The following HMGCLL1 variants were observed in gnomAD, a reference collection of about 807,000 sequenced individuals.
HMGCLL1 encodes 3-hydroxy-3-methylglutaryl-CoA lyase like 1, also known as 3-hydroxymethyl-3-methylglutaryl-CoA lyase, cytoplasmic.
HMGCLL1 carries 36 observed loss-of-function variants against 39.1 expected under a neutral mutation model. That is an observed-to-expected ratio of 0.92 (90% CI 0.71 to 1.22). The LOEUF (loss-of-function observed/expected upper bound fraction) is 1.22, where lower values mean the gene tolerates loss of function less well. Ranked by LOEUF, HMGCLL1 falls within the 50% of genes most tolerant of loss-of-function variation. The pLI, the probability that HMGCLL1 is intolerant of heterozygous loss-of-function variation, is 0.00. For missense variants in HMGCLL1, 451 were observed against 416.5 expected, an observed-to-expected ratio of 1.08 and a Z score of -0.72; for synonymous variants, 149 against 144.0, an observed-to-expected ratio of 1.03 and a Z score of -0.25.
At position 55,514,119 on chromosome 6, in the gene HMGCLL1, G is replaced by C. The variant is rs1330364225; in HGVS notation, c.471C>G (p.Ser157=). The part of the protein sequence containing the change: ...ESFSKKNINC[S]IEESMGKFEE... ...CAAATTTTCCCATACTTTCTTCAAT[G>C]GAACAGTTAATATTCTTCTTGCTAA... The change falls in exon 5 of 9, where the codon TCC becomes TCG. Residue 157 remains serine (S), a synonymous_variant. Transcript: ENST00000274901. 1 of 1,612,422 alleles carries C rather than the reference G, an allele frequency of 6.2e-7. No individual in the cohort carries two copies. Among genetic ancestry groups the C allele is most frequent in the Non-Finnish European group, 8.5e-7 (1 of 1,179,002 alleles).
At chr6:55,675,647 C>T in the HMGCLL1 span, among the ~76,000 whole-genome samples, 1 of 152,076 alleles carries the variant, frequency 6.6e-6, no homozygotes, top group African/African-American at 2.4e-5. Context: ...AGTCTGGAAA[C>T]ACTTATGGTG....
chr6:55,508,393 A>G (rs1242829426), intron 5 of HMGCLL1, among the ~76,000 whole-genome samples: 2 of 151,844 alleles, frequency 1.3e-5, no homozygotes, highest in Non-Finnish European at 2.9e-5. Context: ...GCCTAAGATT[A>G]TGTTTTCTGC....
At chr6:55,650,120 TATATATATATATATACACAC>T in the HMGCLL1 span, among the ~76,000 whole-genome samples, 87 of 79,906 alleles carry the variant, frequency 1.1e-3, 1 homozygote, top group African/African-American at 1.7e-3. Flanking sequence ...TATATATATA[TATATATATATATATACACAC>T]ACACACACAT....
At chr6:55,595,748 C>T in the HMGCLL1 span, among the ~76,000 whole-genome samples, 1 of 151,934 alleles carries the variant, frequency 6.6e-6, no homozygotes, top group Non-Finnish European at 1.5e-5. Flanking sequence ...ATGAATCTGG[C>T]CAAACTGGGG....
At chr6:55,557,804 A>C (rs1038009898) in intron 1 of HMGCLL1, among the ~76,000 whole-genome samples, 1 of 152,174 alleles carries the variant, frequency 6.6e-6, no homozygotes, top group Non-Finnish European at 1.5e-5. Context: ...AGGGGTTAGC[A>C]ATAAATTACG....
chr6:55,535,504 T>A (rs1357191241), intron 3 of HMGCLL1, among the ~76,000 whole-genome samples: 1 of 152,174 alleles, frequency 6.6e-6, no homozygotes, highest in Non-Finnish European at 1.5e-5. Flanking sequence ...ATGGTTTTGA[T>A]CTCCATGCCG....
chr6:55,529,454 A>G (rs1768512313), intron 3 of HMGCLL1, among the ~76,000 whole-genome samples: 1 of 151,962 alleles, frequency 6.6e-6, no homozygotes, highest in African/African-American at 2.4e-5. Flanking sequence ...AGACTAACTC[A>G]CTGGTAATAA....
the HMGCLL1 span, among the ~76,000 whole-genome samples, chr6:55,597,323 A>G: frequency 3.3e-5 from 5 of 152,092 alleles, no homozygotes; most frequent in Non-Finnish European, 4.4e-5. Flanking sequence ...TTCTCTTTTC[A>G]TCATAAGAGT....
At chr6:55,573,019 A>G (rs2127477476) in intron 1 of HMGCLL1, among the ~76,000 whole-genome samples, 1 of 152,330 alleles carries the variant, frequency 6.6e-6, no homozygotes, top group Non-Finnish European at 1.5e-5. Flanking sequence ...CCAGGAGCCT[A>G]GCAAGGCTGG....
chr6:55,438,622 G>A (rs892456028), intron 8 of HMGCLL1, among the ~76,000 whole-genome samples: 1 of 152,016 alleles, frequency 6.6e-6, no homozygotes, highest in Non-Finnish European at 1.5e-5. Flanking sequence ...AGGAGTAGAA[G>A]TGAGGAATAA....
chr6:55,640,130 G>A, the HMGCLL1 span, among the ~76,000 whole-genome samples: 1 of 151,874 alleles, frequency 6.6e-6, no homozygotes, highest in South Asian at 2.1e-4. Flanking sequence ...AGAAGAGAAA[G>A]TGGATAAGAA....
chr6:55,561,004 G>T (rs1770918576), intron 1 of HMGCLL1, among the ~76,000 whole-genome samples: 2 of 152,092 alleles, frequency 1.3e-5, no homozygotes. Context: ...CAGGTTATAA[G>T]TGAACTAAGC....
the HMGCLL1 span, among the ~76,000 whole-genome samples, chr6:55,611,474 G>A: frequency 0.12 from 17,857 of 152,060 alleles, 1,270 homozygotes; most frequent in East Asian, 0.24. Flanking sequence ...TGAGGCCAGC[G>A]TTATCCTGAT....
intron 5 of HMGCLL1, among the ~76,000 whole-genome samples, chr6:55,502,337 C>G (rs1222138943): frequency 6.6e-6 from 1 of 151,672 alleles, no homozygotes; most frequent in Non-Finnish European, 1.5e-5. Flanking sequence ...TTACTATTAG[C>G]TATCTCAGGA....
At chr6:55,534,763 T>C (rs1216404418) in intron 3 of HMGCLL1, among the ~76,000 whole-genome samples, 1 of 152,166 alleles carries the variant, frequency 6.6e-6, no homozygotes, top group South Asian at 2.1e-4. Flanking sequence ...CAAAAACAAA[T>C]GTTGTTATTG....
chr6:55,656,793 A>C, the HMGCLL1 span, among the ~76,000 whole-genome samples: 1 of 152,038 alleles, frequency 6.6e-6, no homozygotes, highest in African/African-American at 2.4e-5. Flanking sequence ...ATGATTTCAA[A>C]GATTGCTGAG....
chr6:55,479,188 T>C (rs1003239215), intron 7 of HMGCLL1, among the ~76,000 whole-genome samples: 1 of 151,510 alleles, frequency 6.6e-6, no homozygotes, highest in Non-Finnish European at 1.5e-5. Flanking sequence ...ACAAGGACCA[T>C]TTACCATACA....
chr6:55,541,949 T>C, intron 2 of HMGCLL1, 111 bp downstream of exon 2: 1 of 944,500 alleles, frequency 1.1e-6, no homozygotes, highest in East Asian at 2.6e-5. Flanking sequence ...CAAATTCAAG[T>C]AGCAATTGAG....
At chr6:55,507,700 C>T (rs929370978) in intron 5 of HMGCLL1, among the ~76,000 whole-genome samples, 1 of 151,772 alleles carries the variant, frequency 6.6e-6, no homozygotes, top group Non-Finnish European at 1.5e-5. Context: ...TAATGATCCA[C>T]TTAAATCTCT....
Sources: gnomAD v4.1 joint callset for allele counts (sites outside exome capture counted in the v4.1 genomes callset) on GRCh38, gnomAD v4.1.1 for gene constraint, MANE v1.5 for transcripts, NCBI Gene and HGNC (gene_info 2026-07-23, HGNC 2026-07-21) for gene names.